RFTN2: variants seen among roughly 807,000 people sequenced by gnomAD.
The protein encoded by RFTN2 is raftlin-2.
In RFTN2, 34 loss-of-function variants were observed where a neutral mutation model predicts 52.7. The observed-to-expected ratio is 0.64, with a 90% CI of 0.49 to 0.86. The LOEUF is 0.86. RFTN2 is among the 40% of genes least tolerant of loss of function. The pLI is 0.00. For missense variants in RFTN2, 536 were observed against 600.1 expected (o/e 0.89, Z 1.12); for synonymous variants, 203 against 217.7 (o/e 0.93, Z 0.59).
intron 8 of RFTN2, among the ~76,000 whole-genome samples, chr2:197,582,094 C>G (rs2087519517): frequency 6.6e-6 from 1 of 152,262 alleles, no homozygotes; most frequent in Non-Finnish European, 1.5e-5. Context: ...AACAACTTGA[C>G]CTTACTGTTT....
intron 7 of RFTN2, among the ~76,000 whole-genome samples, chr2:197,599,013 A>G (rs2087836013): frequency 6.6e-6 from 1 of 150,428 alleles, no homozygotes; most frequent in African/African-American, 2.5e-5. Context: ...GTGCAGTGGC[A>G]CGACCTCGGC....
rs746177542 is a variant in RFTN2, at chr2:197,617,861, A to G, written c.989T>C (p.Val330Ala). ...ATTTCCTTTCCTACTAGAACCTGGAACTCCAGAACCTTCTTCTTCATAGAT... is the reference window on the plus strand; with the variant it reads ...ATTTCCTTTCCTACTAGAACCTGGAGCTCCAGAACCTTCTTCTTCATAGAT... The part of the protein sequence containing the change: ...FFIYEEEGSG[V>A]PGSSRKGNDA... The change falls in exon 6 of 9, where the codon GTT (valine) becomes GCT (alanine). Residue 330 changes from valine (V) to alanine (A), a missense_variant. By Grantham distance (64) the Val-to-Ala change is moderately conservative (BLOSUM62 0). Transcript: ENST00000295049. 3 of 1,609,110 alleles carry G rather than the reference A, an allele frequency of 1.9e-6. No homozygotes were observed. Among genetic ancestry groups the G allele is most frequent in the South Asian group, 1.1e-5 (1 of 90,934 alleles).
At chr2:197,587,755 A>C (rs1646944810) in intron 8 of RFTN2, among the ~76,000 whole-genome samples, 1 of 152,220 alleles carries the variant, frequency 6.6e-6, no homozygotes, top group African/African-American at 2.4e-5. Context: ...CATCTTCAGC[A>C]ATCATATCAC....
chr2:197,605,309 G>C (rs1295365235), intron 7 of RFTN2, among the ~76,000 whole-genome samples: 1 of 151,466 alleles, frequency 6.6e-6, no homozygotes, highest in Non-Finnish European at 1.5e-5. Flanking sequence ...TCCGCCTCCC[G>C]GGTTCACGCC....
chr2:197,644,038 A>G, intron 3 of RFTN2, 120 bp downstream of exon 3: 2 of 697,738 alleles, frequency 2.9e-6, no homozygotes, highest in Non-Finnish European at 5.2e-6. Context: ...TATGTTTTAA[A>G]TTCTGGTAGA....
chr2:197,577,727 G>A (rs1180614848), intron 8 of RFTN2, among the ~76,000 whole-genome samples: 2 of 152,082 alleles, frequency 1.3e-5, no homozygotes, highest in Non-Finnish European at 2.9e-5. Flanking sequence ...AGGCTGGAGT[G>A]CAGTAGCACA....
At chr2:197,582,393 T>C (rs540267181) in intron 8 of RFTN2, among the ~76,000 whole-genome samples, 1 of 152,350 alleles carries the variant, frequency 6.6e-6, no homozygotes, top group East Asian at 1.9e-4. Context: ...ATCTCTCTGA[T>C]CTACCTGACA....
intron 3 of RFTN2, among the ~76,000 whole-genome samples, chr2:197,640,032 C>T (rs1193717315): frequency 6.6e-6 from 1 of 152,208 alleles, no homozygotes; most frequent in African/African-American, 2.4e-5. Context: ...GCTGGGGGTG[C>T]CTCCCAGTTA....
At chr2:197,584,358 T>C (rs2087563090) in intron 8 of RFTN2, among the ~76,000 whole-genome samples, 1 of 152,250 alleles carries the variant, frequency 6.6e-6, no homozygotes, top group Non-Finnish European at 1.5e-5. Context: ...GGTTTTGATC[T>C]GCATTTCTCT....
chr2:197,618,592 G>C (rs1412138283), intron 5 of RFTN2, among the ~76,000 whole-genome samples: 2 of 151,530 alleles, frequency 1.3e-5, no homozygotes, highest in Non-Finnish European at 2.9e-5. Flanking sequence ...GCCCAGTCTG[G>C]AAAGTGAGGA....
chr2:197,653,077 A>G lies in RFTN2; in HGVS notation c.140-6411T>C, dbSNP rs1392729207. ...CAAATAATAATAACCAGAATATACTATTTACCTAATTATATTATTAATATC... is the reference window on the plus strand; with the variant it reads ...CAAATAATAATAACCAGAATATACTGTTTACCTAATTATATTATTAATATC... On this transcript the variant is annotated intron_variant, in intron 1 of 8. Coordinates refer to ENST00000295049, the MANE Select transcript of RFTN2 (RefSeq NM_144629.3). Among the ~76,000 whole-genome samples, 5 of 152,314 alleles carry G rather than the reference A, an allele frequency of 3.3e-5. No individual in the cohort carries two copies. In the East Asian group the frequency reaches 7.7e-4, roughly 23 times the overall value.
chr2:197,673,537 A>G (rs149677085), intron 1 of RFTN2, among the ~76,000 whole-genome samples: 189 of 152,350 alleles, frequency 1.2e-3, no homozygotes, highest in African/African-American at 4.3e-3. Context: ...GTGCAGCTTT[A>G]AAGTATGTGC....
intron 5 of RFTN2, among the ~76,000 whole-genome samples, chr2:197,629,701 T>C (rs200450199): frequency 0.02 from 444 of 22,556 alleles, no homozygotes; most frequent in Non-Finnish European, 0.046. Context: ...CACACACACA[T>C]ATTTATTTTA....
intron 5 of RFTN2, 87 bp downstream of exon 5, chr2:197,630,924 T>C (rs1377614268): frequency 1.2e-5 from 10 of 851,434 alleles, no homozygotes; most frequent in African/African-American, 5.1e-5. Context: ...CTTTCAGCCA[T>C]AGAACTTGAG....
At chr2:197,598,073 G>T (rs895991593) in intron 7 of RFTN2, among the ~76,000 whole-genome samples, 2 of 152,206 alleles carry the variant, frequency 1.3e-5, no homozygotes, top group African/African-American at 4.8e-5. Context: ...CTAGCACTTT[G>T]TGAAGCTGAT....
intron 3 of RFTN2, among the ~76,000 whole-genome samples, chr2:197,639,875 C>G: frequency 6.9e-6 from 1 of 145,504 alleles, no homozygotes; most frequent in Non-Finnish European, 1.5e-5. Context: ...GTGGTTTTAT[C>G]TACTTTTGGT....
At chr2:197,627,475 G>C (rs2088384462) in intron 5 of RFTN2, among the ~76,000 whole-genome samples, 1 of 152,144 alleles carries the variant, frequency 6.6e-6, no homozygotes, top group Admixed American at 6.5e-5. Context: ...GCTTGGCATG[G>C]GTCCTGGCAT....
intron 1 of RFTN2, among the ~76,000 whole-genome samples, chr2:197,648,902 A>T (rs965405112): frequency 6.6e-6 from 1 of 152,176 alleles, no homozygotes; most frequent in Non-Finnish European, 1.5e-5. Context: ...TAGTGTGCTT[A>T]TCAGATTGTA....
intron 8 of RFTN2, among the ~76,000 whole-genome samples, chr2:197,580,713 C>G (rs377572591): frequency 6.6e-6 from 1 of 152,212 alleles, no homozygotes; most frequent in East Asian, 1.9e-4. Context: ...TCTACATTGC[C>G]TTATTTTCAA....
Sources: gnomAD v4.1 joint callset for allele counts (sites outside exome capture counted in the v4.1 genomes callset) on GRCh38, gnomAD v4.1.1 for gene constraint, MANE v1.5 for transcripts, NCBI Gene and HGNC (gene_info 2026-07-23, HGNC 2026-07-21) for gene names.